The following DPRX variants were observed in gnomAD, a reference collection of about 807,000 sequenced individuals.
The protein encoded by DPRX is divergent paired-related homeobox.
DPRX carries 11 observed loss-of-function variants against 8.4 expected under a neutral mutation model. The observed-to-expected ratio is 1.31, with a 90% CI of 0.82 to 2.17. The LOEUF (loss-of-function observed/expected upper bound fraction) is 2.17. DPRX is among the 30% of genes most tolerant of loss of function. The pLI, the probability that DPRX is intolerant of heterozygous loss-of-function variation, is 0.00. For synonymous variants in DPRX, 72 were observed against 87.0 expected (o/e 0.83, Z 0.96); for missense variants, 211 against 236.7 (o/e 0.89, Z 0.71).
the DPRX span, chr19:53,616,999 C>A: frequency 2.6e-6 from 3 of 1,143,196 alleles, no homozygotes; most frequent in East Asian, 4.7e-5. Flanking sequence ...GACTGATGAA[C>A]AAGGGCATCA....
chr19:53,602,341 C>T, the DPRX span, among the ~76,000 whole-genome samples: 2 of 148,116 alleles, frequency 1.4e-5, no homozygotes, highest in Admixed American at 6.8e-5. Flanking sequence ...ACTACAGGCA[C>T]GTGTCAGCAC....
At chr19:53,631,179 T>G (rs147162769), upstream of DPRX, among the ~76,000 whole-genome samples, 521 of 151,318 alleles carry the variant, frequency 3.4e-3, 21 homozygotes, top group East Asian at 0.087. Context: ...TAATCCCAGC[T>G]ACTGGGAAGG....
At chr19:53,613,495 G>C in the DPRX span, among the ~76,000 whole-genome samples, 13 of 151,234 alleles carry the variant, frequency 8.6e-5, no homozygotes, top group Non-Finnish European at 1.9e-4. Context: ...TTACGGGTGC[G>C]TGCCATCATG....
upstream of DPRX, chr19:53,632,032 C>T (rs2091094537): frequency 6.2e-7 from 1 of 1,601,404 alleles, no homozygotes; most frequent in Non-Finnish European, 8.6e-7. Flanking sequence ...GTGGAGGAAG[C>T]TACTTAAATC....
chr19:53,636,773 T>A, exon 3 of DPRX: 1 of 1,614,214 alleles, frequency 6.2e-7, no homozygotes. Context: ...CGGCCTGGTG[T>A]ACACGGGTCA....
the DPRX span, among the ~76,000 whole-genome samples, chr19:53,622,160 G>A: frequency 6.6e-6 from 1 of 152,156 alleles, no homozygotes; most frequent in Non-Finnish European, 1.5e-5. Flanking sequence ...AAACTTCTTT[G>A]TAAACATGCT....
At chr19:53,624,650 A>C in the DPRX span, among the ~76,000 whole-genome samples, 1 of 151,588 alleles carries the variant, frequency 6.6e-6, no homozygotes, top group Non-Finnish European at 1.5e-5. Flanking sequence ...CCTGGCCACA[A>C]GTGATCCACC....
chr19:53,607,082 T>C, the DPRX span: 3 of 152,808 alleles, frequency 2.0e-5, no homozygotes, highest in Admixed American at 1.3e-4. Flanking sequence ...ACAAGAAACA[T>C]TGGTAAGGTG....
the DPRX span, among the ~76,000 whole-genome samples, chr19:53,623,310 A>AAAATAAAT: frequency 0.32 from 42,293 of 133,660 alleles, 7,529 homozygotes; most frequent in Admixed American, 0.47. Context: ...CTGTCTCAAA[A>AAAATAAAT]AAATAAATAA....
the DPRX span, chr19:53,603,371 A>G: frequency 2.2e-6 from 1 of 456,512 alleles, no homozygotes; most frequent in South Asian, 1.5e-5. Flanking sequence ...AGGCACATCC[A>G]TAGACGATGC....
chr19:53,636,126 G>C (rs2091110978), intron 2 of DPRX, among the ~76,000 whole-genome samples: 1 of 152,120 alleles, frequency 6.6e-6, no homozygotes, highest in African/African-American at 2.4e-5. Context: ...CCAGCAGTTT[G>C]GGAGGCCGAG....
the DPRX span, among the ~76,000 whole-genome samples, chr19:53,603,039 A>G: frequency 0.016 from 2,249 of 140,500 alleles, 52 homozygotes; most frequent in African/African-American, 0.053. Context: ...GTGTGTGTGT[A>G]TATATATATA....
chr19:53,625,724 A>G, the DPRX span, among the ~76,000 whole-genome samples: 5 of 149,624 alleles, frequency 3.3e-5, no homozygotes, highest in African/African-American at 1.2e-4. Context: ...TGCAACCTTC[A>G]CCTTCCAGGT....
chr19:53,636,707 GT>G lies in DPRX; in HGVS notation c.296del (p.Val99AlafsTer3). On this transcript the variant is annotated frameshift_variant, in exon 3 of 3. Coordinates refer to ENST00000376650, the Ensembl canonical transcript of DPRX. LOFTEE classifies it low-confidence loss of function (END_TRUNC). The stretch of plus-strand genomic sequence containing the variant: ...ACCAGAGGGTGGGGTCTCCACCAGT[GT>G]CGGCCTGAGAAATGCAGACACACTA... The G allele has an allele frequency of 1.2e-6, 2 of 1,614,116 alleles. No homozygotes were observed. Among genetic ancestry groups the G allele is most frequent in the Non-Finnish European group, 8.5e-7 (1 of 1,180,036 alleles).
chr19:53,632,400 A>G (rs867931001), intron 1 of DPRX, among the ~76,000 whole-genome samples: 7 of 152,058 alleles, frequency 4.6e-5, no homozygotes, highest in Middle Eastern at 3.4e-3. Context: ...TCCCAGGTTC[A>G]AGCAATTCTC....
the DPRX span, chr19:53,617,120 C>G: frequency 2.4e-6 from 3 of 1,249,878 alleles, no homozygotes; most frequent in Non-Finnish European, 3.5e-6. Flanking sequence ...AATCCTGGAC[C>G]GATCGAATGC....
At chr19:53,606,681 G>A in the DPRX span, 1 of 151,628 alleles carries the variant, frequency 6.6e-6, no homozygotes, top group Admixed American at 6.6e-5. The surrounding 1 kb of genome is among the most constrained non-coding windows in gnomAD (Gnocchi z 4.8). Flanking sequence ...TCTCCTGCGG[G>A]ACAGGTATAT....
At chr19:53,629,108 G>C (rs1214814391), upstream of DPRX, among the ~76,000 whole-genome samples, 1 of 150,846 alleles carries the variant, frequency 6.6e-6, no homozygotes, top group Non-Finnish European at 1.5e-5. Context: ...GAGGCCAGGA[G>C]TTTGAGACCA....
chr19:53,620,299 G>C, the DPRX span, among the ~76,000 whole-genome samples: 2 of 151,820 alleles, frequency 1.3e-5, no homozygotes, highest in Non-Finnish European at 2.9e-5. Flanking sequence ...TCGATCTCCT[G>C]ACCTCATGAT....
Sources: gnomAD v4.1 joint callset for allele counts (sites outside exome capture counted in the v4.1 genomes callset) on GRCh38, gnomAD v4.1.1 for gene constraint, Gnocchi (gnomAD v3.1) non-coding constraint, MANE v1.5 for transcripts, NCBI Gene and HGNC (gene_info 2026-07-23, HGNC 2026-07-21) for gene names.